The following ANXA7 variants were observed in gnomAD, a reference collection of about 807,000 sequenced individuals.
ANXA7 encodes the protein annexin VII.
A neutral mutation model predicts 64.9 loss-of-function variants in ANXA7; 55 were observed. The observed-to-expected ratio is 0.85, with a 90% CI of 0.68 to 1.06. The LOEUF (loss-of-function observed/expected upper bound fraction) is 1.06, where lower values mean the gene tolerates loss of function less well. Ranked by LOEUF, ANXA7 falls within the 50% of genes least tolerant of loss-of-function variation. The probability of loss-of-function intolerance (pLI) is 0.00; values close to 1 mark genes in which losing one functional copy is unlikely to be tolerated. For missense variants in ANXA7, 548 were observed against 582.1 expected (o/e 0.94, Z 0.60); for synonymous variants, 200 against 192.4 (o/e 1.04, Z -0.33).
At chr10:73,393,246 A>G (rs894988506) in intron 5 of ANXA7, among the ~76,000 whole-genome samples, 13 of 152,310 alleles carry the variant, frequency 8.5e-5, no homozygotes, top group East Asian at 3.9e-4. Context: ...ATGCTCATGG[A>G]TAGGAAGAAT....
chr10:73,383,436 C>A, intron 8 of ANXA7, 91 bp from the exon 9 acceptor site: 1 of 1,355,550 alleles, frequency 7.4e-7, no homozygotes, highest in East Asian at 2.5e-5. Flanking sequence ...TTCTGTAGAA[C>A]TAAAAACTAT....
chr10:73,377,904 CGTGT>C (rs141696096), intron 12 of ANXA7, among the ~76,000 whole-genome samples: 2,402 of 119,320 alleles, frequency 0.02, 48 homozygotes, highest in African/African-American at 0.04. Flanking sequence ...CACGCCCCGG[CGTGT>C]GTGTGTGTGT....
At chr10:73,386,575 A>C (rs1428616425) in intron 7 of ANXA7, among the ~76,000 whole-genome samples, 1 of 152,214 alleles carries the variant, frequency 6.6e-6, no homozygotes, top group Non-Finnish European at 1.5e-5. Flanking sequence ...GTTTGCCATG[A>C]AAAAAAGAAA....
chr10:73,405,922 A>C (rs948312411), intron 1 of ANXA7, among the ~76,000 whole-genome samples: 3 of 151,834 alleles, frequency 2.0e-5, no homozygotes, highest in African/African-American at 7.3e-5. Context: ...AAATTACCTA[A>C]TACTCCAGTA....
rs190030633 is a variant in ANXA7 at position 73,396,475 on chromosome 10, T to C, written c.435+44A>G. The C allele has an allele frequency of 1.2e-5, 18 of 1,441,172 alleles. No homozygotes were observed. In the Admixed American group the frequency reaches 3.7e-4, roughly 30 times the overall value. 89.3% of individuals were successfully genotyped at this position (1,441,172 alleles called of 1,614,324 possible). ...CTCAGCAAAGGATAGGTTCCTTCTT[T>C]ATCTAGCTACCTAGAGTGAGCTTAA... On this transcript the variant is annotated intron_variant, in intron 5 of 12. Transcript: ENST00000372921.
At chr10:73,385,808 G>A (rs1245769143) in intron 7 of ANXA7, among the ~76,000 whole-genome samples, 1 of 152,158 alleles carries the variant, frequency 6.6e-6, no homozygotes, top group African/African-American at 2.4e-5. Flanking sequence ...GGCAGACAGG[G>A]AAAGGCAAAA....
At chr10:73,401,351 G>C (rs148304128) in intron 1 of ANXA7, among the ~76,000 whole-genome samples, 43 of 152,198 alleles carry the variant, frequency 2.8e-4, no homozygotes, top group African/African-American at 8.7e-4. Flanking sequence ...GTGGATATTA[G>C]GGGTATAAGC....
intron 3 of ANXA7, 85 bp from the exon 4 acceptor site, chr10:73,397,359 T>A: frequency 1.6e-6 from 1 of 639,716 alleles, no homozygotes; most frequent in Non-Finnish European, 2.5e-6. Flanking sequence ...TTGTTAACAG[T>A]GGAAAAATAT....
intron 2 of ANXA7, among the ~76,000 whole-genome samples, chr10:73,399,838 C>T (rs1446094541): frequency 7.1e-6 from 1 of 140,984 alleles, no homozygotes; most frequent in African/African-American, 2.6e-5. Context: ...AAAACAAAAA[C>T]AAAAACAAAA....
At chr10:73,400,499 C>T (rs12258241) in intron 2 of ANXA7, among the ~76,000 whole-genome samples, 6 of 151,950 alleles carry the variant, frequency 3.9e-5, no homozygotes, top group Non-Finnish European at 1.5e-5. Flanking sequence ...AAATTTTGAA[C>T]CTTTGGGCAA....
chr10:73,408,625 T>C (rs1242986269), intron 1 of ANXA7, among the ~76,000 whole-genome samples: 1 of 152,148 alleles, frequency 6.6e-6, no homozygotes, highest in Non-Finnish European at 1.5e-5. Context: ...TATCTGTATA[T>C]AATAAAAATT....
Position 73,379,041 on chromosome 10 carries a change from T to G in ANXA7, c.1166-18A>C. 1 of 1,554,268 alleles carries G rather than the reference T, an allele frequency of 6.4e-7. No individual in the cohort carries two copies. The highest frequency in any genetic ancestry group is 1.2e-5 in the South Asian group (1 of 86,758). ...ACACTGCACTGCAAGTTAGAGATGG[T>G]TGAGACATGGAATCATGATCTCACA... On this transcript the variant is annotated intron_variant, in intron 11 of 12. Transcript: ENST00000372921.
chr10:73,376,598 A>G (rs1218089097), intron 12 of ANXA7, among the ~76,000 whole-genome samples: 1 of 152,228 alleles, frequency 6.6e-6, no homozygotes, highest in African/African-American at 2.4e-5. Context: ...GTGGAAACTA[A>G]TATGGTTAAT....
intron 11 of ANXA7, among the ~76,000 whole-genome samples, 169 bp from the exon 12 acceptor site, chr10:73,379,192 C>T (rs1205676425): frequency 6.6e-6 from 1 of 152,032 alleles, no homozygotes; most frequent in Non-Finnish European, 1.5e-5. Context: ...TTTTTTGAGA[C>T]AGGTTCTCAC....
chr10:73,387,538 G>T, intron 7 of ANXA7, 151 bp downstream of exon 7: 1 of 551,328 alleles, frequency 1.8e-6, no homozygotes. Context: ...ACAAAAAACA[G>T]AAATAGGGAA....
intron 2 of ANXA7, 34 bp downstream of exon 2, chr10:73,400,769 T>C: frequency 6.4e-7 from 1 of 1,555,524 alleles, no homozygotes; most frequent in Non-Finnish European, 8.7e-7. Flanking sequence ...AACACCTGTT[T>C]TAAGGATGTG....
At chr10:73,385,225 T>C (rs1156526385) in intron 7 of ANXA7, among the ~76,000 whole-genome samples, 1 of 152,202 alleles carries the variant, frequency 6.6e-6, no homozygotes, top group Non-Finnish European at 1.5e-5. Context: ...CTAAAGAATA[T>C]GGACTTGATT....
chr10:73,404,721 T>G (rs185960798), intron 1 of ANXA7, among the ~76,000 whole-genome samples: 1 of 151,730 alleles, frequency 6.6e-6, no homozygotes, highest in Non-Finnish European at 1.5e-5. Context: ...TATATATATA[T>G]ATATATATCT....
Position 73,387,720 on chromosome 10 carries a change from AT to A in ANXA7, c.601del (p.Ile201LeufsTer13). 1.9e-6 allele frequency: 3 copies of A among 1,614,036 alleles called. No individual in the cohort carries two copies. The African/African-American group carries it at 4.0e-5, about 22-fold the overall frequency. On this transcript the variant is annotated frameshift_variant, in exon 7 of 13. Coordinates refer to ENST00000372921, the MANE Select transcript of ANXA7 (RefSeq NM_001156.5). LOFTEE classifies it high-confidence loss of function. ...ANRSNDQRQK[I>X]KAAFKTSYGK... ...ATAGGAGGTCTTAAATGCTGCTTTA[AT>A]TTTTTGCCTCTGATCATTGGAACGG...
Sources: allele counts gnomAD v4.1 joint callset (sites outside exome capture counted in the v4.1 genomes callset), GRCh38; gene constraint gnomAD v4.1.1; transcripts MANE v1.5; gene names NCBI Gene and HGNC (gene_info 2026-07-23, HGNC 2026-07-21).